PRKN: variants seen among roughly 807,000 people sequenced by gnomAD.
PRKN encodes E3 ubiquitin-protein ligase parkin.
In PRKN, 56 loss-of-function variants were observed where a neutral mutation model predicts 59.5. That is an observed-to-expected ratio of 0.94 (90% confidence interval 0.76 to 1.18). The LOEUF (loss-of-function observed/expected upper bound fraction) is 1.18. Ranked by LOEUF, PRKN falls within the 50% of genes most tolerant of loss-of-function variation. PRKN has a pLI of 0.00. For missense variants in PRKN, 657 were observed against 596.4 expected, an observed-to-expected ratio of 1.10 and a Z score of -1.06; for synonymous variants, 250 against 222.1, an observed-to-expected ratio of 1.13 and a Z score of -1.12.
chr6:162,347,184 G>T, intron 2 of PRKN, among the ~76,000 whole-genome samples: 1 of 146,696 alleles, frequency 6.8e-6, no homozygotes, highest in African/African-American at 2.5e-5. Context: ...GGTTCTTTCT[G>T]TTGTCTTTTT....
At chr6:162,336,686 CA>C (rs1783860773) in intron 2 of PRKN, among the ~76,000 whole-genome samples, 1 of 152,178 alleles carries the variant, frequency 6.6e-6, no homozygotes, top group African/African-American at 2.4e-5. Context: ...AACACAAAGA[CA>C]AATTAATCTC....
At chr6:162,634,240 C>T (rs1777624672) in intron 1 of PRKN, among the ~76,000 whole-genome samples, 3 of 152,174 alleles carry the variant, frequency 2.0e-5, no homozygotes, top group African/African-American at 7.2e-5. Context: ...CAAACATTGT[C>T]TGCAAAGGGC....
intron 5 of PRKN, among the ~76,000 whole-genome samples, chr6:161,991,808 A>C (rs1203759568): frequency 6.6e-6 from 1 of 152,106 alleles, no homozygotes; most frequent in Non-Finnish European, 1.5e-5. Flanking sequence ...ACACCACTGC[A>C]CTCAGCCTGG....
chr6:162,178,590 A>AT (rs1562561948), intron 4 of PRKN, among the ~76,000 whole-genome samples: 1 of 152,128 alleles, frequency 6.6e-6, no homozygotes, highest in Admixed American at 6.5e-5. Flanking sequence ...TATTTTGGCC[A>AT]TTTTTTTGAT....
At chr6:162,003,670 A>G (rs1782144305) in intron 5 of PRKN, among the ~76,000 whole-genome samples, 1 of 152,204 alleles carries the variant, frequency 6.6e-6, no homozygotes, top group African/African-American at 2.4e-5. Flanking sequence ...CACTGTATAA[A>G]TATACCATAA....
intron 3 of PRKN, among the ~76,000 whole-genome samples, chr6:162,221,093 T>C (rs1038010051): frequency 2.6e-5 from 4 of 152,202 alleles, no homozygotes; most frequent in Non-Finnish European, 4.4e-5. Flanking sequence ...TGCTTTGGTG[T>C]GAAAGACTGG....
In PRKN at chr6:162,144,917, G is replaced by A. The variant is rs191911737; in HGVS notation, c.534+56214C>T. Among the ~76,000 whole-genome samples, 189 of 152,222 alleles carry A rather than the reference G, an allele frequency of 1.2e-3. 2 individuals are homozygous for A. Among genetic ancestry groups the A allele is most frequent in the African/African-American group, 4.2e-3 (174 of 41,544 alleles). On this transcript the variant is annotated intron_variant, in intron 4 of 11. Coordinates refer to ENST00000366898, the MANE Select transcript of PRKN (RefSeq NM_004562.3). ...GAACGTAAAAGGCCTAGTACATTAA[G>A]GGATGAGGAGCATAGCACCAACTCA...
At chr6:162,466,555 C>T (rs919320114) in intron 1 of PRKN, among the ~76,000 whole-genome samples, 13 of 151,942 alleles carry the variant, frequency 8.6e-5, no homozygotes, top group African/African-American at 2.9e-4. Flanking sequence ...TGTGCCACTA[C>T]ACAGGGCAAT....
chr6:161,895,289 C>G (rs1777569219), intron 6 of PRKN, among the ~76,000 whole-genome samples: 2 of 152,154 alleles, frequency 1.3e-5, no homozygotes, highest in African/African-American at 2.4e-5. Context: ...CTAGAGTCGG[C>G]AAGAGGAGAC....
intron 4 of PRKN, among the ~76,000 whole-genome samples, chr6:162,143,522 C>T (rs747037704): frequency 6.6e-6 from 1 of 152,168 alleles, no homozygotes; most frequent in Non-Finnish European, 1.5e-5. Flanking sequence ...AAAATGTACA[C>T]TTCTGTCAGC....
At position 161,429,059 on chromosome 6, in the gene PRKN, T is replaced by C. The variant is rs1426898546; in HGVS notation, c.1084-42182A>G. ...ACGTAAGATGTTCCTGAAGCTAAAC[T>C]TCTCTTAGACAGGACACCTGCAGAT... On this transcript the variant is annotated intron_variant, in intron 9 of 11. Coordinates refer to ENST00000366898, the MANE Select transcript of PRKN (RefSeq NM_004562.3). This position sits in a 1 kb window ranked among gnomAD's most constrained non-coding sequence, Gnocchi z 4.2. Among the ~76,000 whole-genome samples the C allele has an allele frequency of 6.6e-6, 1 of 152,220 alleles. No homozygotes were observed. Among genetic ancestry groups the C allele is most frequent in the Non-Finnish European group, 1.5e-5 (1 of 68,050 alleles).
intron 1 of PRKN, among the ~76,000 whole-genome samples, chr6:162,661,926 A>C (rs1418539091): frequency 6.6e-6 from 1 of 152,092 alleles, no homozygotes; most frequent in Non-Finnish European, 1.5e-5. Context: ...TCATCACTTG[A>C]ACAGTGACCA....
Position 161,359,444 on chromosome 6 carries a change from G to A in PRKN, c.1285+644C>T, listed in dbSNP as rs1420219599. Reference sequence around the variant, plus strand: ...TTAAGGAGAAGCTGGGAGAGGCTGCGCCTGGCTTCGTGTCATTGCTCATCT... The same window carrying A: ...TTAAGGAGAAGCTGGGAGAGGCTGCACCTGGCTTCGTGTCATTGCTCATCT... On this transcript the variant is annotated intron_variant, in intron 11 of 11. Transcript: ENST00000366898. The surrounding 1 kb of genome is among the most constrained non-coding windows in gnomAD (Gnocchi z 5.4). Among the ~76,000 whole-genome samples, 5 of 152,210 alleles carry A rather than the reference G, an allele frequency of 3.3e-5. No homozygotes were observed. The highest frequency in any genetic ancestry group is 7.3e-5 in the Non-Finnish European group (5 of 68,032).
chr6:162,359,077 A>T (rs867534199), intron 2 of PRKN, among the ~76,000 whole-genome samples: 30,104 of 88,954 alleles, frequency 0.34, 4,370 homozygotes, highest in African/African-American at 0.42. Context: ...AAAAAAAAAA[A>T]AAATATATAT....
intron 9 of PRKN, among the ~76,000 whole-genome samples, chr6:161,411,448 A>T (rs541275610): frequency 1.1e-4 from 16 of 152,306 alleles, no homozygotes; most frequent in Admixed American, 4.6e-4. Flanking sequence ...TGAGTCAGTT[A>T]AACCTCTCTC....
At position 161,348,724 on chromosome 6, in the gene PRKN, G is replaced by C; in HGVS notation, c.*1375C>G. ...AATCCAAAAGGGCCTCCATGTGCTAGTGAGACTCATGCCCTCAGTTATGTT... is the reference window on the plus strand; with the variant it reads ...AATCCAAAAGGGCCTCCATGTGCTACTGAGACTCATGCCCTCAGTTATGTT... On this transcript the variant is annotated 3_prime_UTR_variant, in exon 12 of 12. Transcript: ENST00000366898. The surrounding 1 kb of genome is among the most constrained non-coding windows in gnomAD (Gnocchi z 4.9). 1 of 210,482 alleles carries C rather than the reference G, an allele frequency of 4.8e-6. No individual in the cohort carries two copies. The highest frequency in any genetic ancestry group is 9.6e-6 in the Non-Finnish European group (1 of 103,632). 13.0% of individuals were successfully genotyped at this position (210,482 alleles called of 1,614,324 possible).
chr6:162,183,015 T>TA (rs1353144747), intron 4 of PRKN, among the ~76,000 whole-genome samples: 11 of 152,260 alleles, frequency 7.2e-5, no homozygotes, highest in South Asian at 6.2e-4. Context: ...GAAATAATGA[T>TA]AAAAAAGAAT....
At chr6:162,670,811 A>C (rs1278383283) in intron 1 of PRKN, among the ~76,000 whole-genome samples, 1 of 152,206 alleles carries the variant, frequency 6.6e-6, no homozygotes, top group Admixed American at 6.5e-5. Flanking sequence ...AAATCATCAG[A>C]TCACTGAAGC....
chr6:162,594,953 T>C (rs985143441), intron 1 of PRKN, among the ~76,000 whole-genome samples: 1 of 152,204 alleles, frequency 6.6e-6, no homozygotes, highest in African/African-American at 2.4e-5. Context: ...GGTGAGTAGA[T>C]CACGAGGTCA....
Sources: gnomAD v4.1 joint callset for allele counts (sites outside exome capture counted in the v4.1 genomes callset) on GRCh38, gnomAD v4.1.1 for gene constraint, Gnocchi (gnomAD v3.1) non-coding constraint, MANE v1.5 for transcripts, NCBI Gene and HGNC (gene_info 2026-07-23, HGNC 2026-07-21) for gene names.